Variants in RFTN1 observed in about 807,000 individuals in gnomAD.
The protein encoded by RFTN1 is raftlin, lipid raft linker 1.
RFTN1 carries 26 observed loss-of-function variants against 46.5 expected under a neutral mutation model. That is an observed-to-expected ratio of 0.56 (90% CI 0.41 to 0.78). The LOEUF (loss-of-function observed/expected upper bound fraction) is 0.78. Among genes scored for constraint, RFTN1 ranks in the 30% least tolerant of loss-of-function variants. RFTN1 has a pLI of 0.00. For synonymous variants in RFTN1, 261 were observed against 284.2 expected, an observed-to-expected ratio of 0.92 and a Z score of 0.82; for missense variants, 693 against 718.7, an observed-to-expected ratio of 0.96 and a Z score of 0.41.
chr3:16,363,314 A>G (rs1001947043), intron 6 of RFTN1, among the ~76,000 whole-genome samples: 9 of 152,240 alleles, frequency 5.9e-5, no homozygotes, highest in African/African-American at 2.2e-4. Context: ...CTCCAATGTA[A>G]AAAGGTTAAA....
rs1051478059 is a variant in RFTN1 at position 16,387,844 on chromosome 3, A to C, written c.442-9742T>G. On this transcript the variant is annotated intron_variant, in intron 4 of 9. Coordinates refer to ENST00000334133, the MANE Select transcript of RFTN1 (RefSeq NM_015150.2). The surrounding 1 kb of genome is among the most constrained non-coding windows in gnomAD (Gnocchi z 5.2). ...AAATCCCACAGGCTTTTTAGCCCTC[A>C]CCACCCCATCCTCTCTGGTAGCTCA... 6.6e-6 allele frequency among the ~76,000 whole-genome samples: 1 copy of C among 151,504 alleles called. No individual in the cohort carries two copies. Among genetic ancestry groups the C allele is most frequent in the African/African-American group, 2.4e-5 (1 of 41,118 alleles).
chr3:16,436,332 T>C (rs1484463289), intron 2 of RFTN1, among the ~76,000 whole-genome samples: 1 of 151,376 alleles, frequency 6.6e-6, no homozygotes, highest in African/African-American at 2.4e-5. Context: ...ACTTTGCATA[T>C]AGTGGGTTTT....
At position 16,323,391 on chromosome 3, in the gene RFTN1, C is replaced by T; in HGVS notation, c.1317G>A (p.Lys439=). The stretch of plus-strand genomic sequence containing the variant: ...AGTCTCTTACCTTCGATTCCTTCTT[C>T]TTGATTTTCTGAGGTAGACAAGGTC... ...LQRPCLPQKI[K]KKESKFQWRF... is the part of the protein sequence containing the mutation. The change falls in exon 9 of 10, where the codon AAG becomes AAA. Residue 439 remains lysine (K), a synonymous_variant. Transcript: ENST00000334133. 6.2e-7 allele frequency: 1 copy of T among 1,609,914 alleles called. No homozygotes were observed. The highest frequency in any genetic ancestry group is 1.1e-5 in the South Asian group (1 of 91,046).
chr3:16,493,668 G>A, intron 2 of RFTN1, 57 bp downstream of exon 2: 1 of 1,256,502 alleles, frequency 8.0e-7, no homozygotes, highest in Non-Finnish European at 1.0e-6. Flanking sequence ...CCCATCCCCT[G>A]CAGGCCCCTG....
At chr3:16,494,534 C>G (rs560805744) in intron 1 of RFTN1, among the ~76,000 whole-genome samples, 2 of 152,298 alleles carry the variant, frequency 1.3e-5, no homozygotes, top group African/African-American at 2.4e-5. Flanking sequence ...TGAAAACTGA[C>G]TGAACACTAA....
rs9817085 is a variant in RFTN1, at chr3:16,446,398, A to C, written c.146-12361T>G. 9.3e-3 allele frequency among the ~76,000 whole-genome samples: 1,420 copies of C among 152,104 alleles called. 19 individuals carry two copies. Among genetic ancestry groups the C allele is most frequent in the African/African-American group, 0.032 (1,332 of 41,476 alleles). On this transcript the variant is annotated intron_variant, in intron 2 of 9. Transcript: ENST00000334133. This position sits in a 1 kb window ranked among gnomAD's most constrained non-coding sequence, Gnocchi z 4.5. ...ACATTGTCGTGCAACCATCACCACC[A>C]TCTATCTCCAGGAAATCTTCATCGG...
In RFTN1 at chr3:16,341,063, TC is replaced by T. The variant is rs1243908675; in HGVS notation, c.1147-14188del. Among the ~76,000 whole-genome samples the T allele has an allele frequency of 6.6e-6, 1 of 152,142 alleles. No homozygotes were observed. Among genetic ancestry groups the T allele is most frequent in the Non-Finnish European group, 1.5e-5 (1 of 68,018 alleles). ...AAATAATAAGCATATAAAAAGATGC[TC>T]AACATCATATGTCATTAGGGAAATG... On this transcript the variant is annotated intron_variant, in intron 7 of 9. Coordinates refer to ENST00000334133, the MANE Select transcript of RFTN1 (RefSeq NM_015150.2). The surrounding 1 kb of genome is among the most constrained non-coding windows in gnomAD (Gnocchi z 4.7).
intron 8 of RFTN1, among the ~76,000 whole-genome samples, chr3:16,324,613 A>ACAC (rs1553718054): frequency 1.1e-5 from 1 of 90,800 alleles, no homozygotes; most frequent in East Asian, 3.4e-4. Flanking sequence ...AATGTCCCTG[A>ACAC]CCCCCCCCCT....
At chr3:16,455,107 C>T (rs2075883396) in intron 2 of RFTN1, among the ~76,000 whole-genome samples, 1 of 152,184 alleles carries the variant, frequency 6.6e-6, no homozygotes, top group Admixed American at 6.5e-5. Context: ...TTTGTCTCCA[C>T]GCCATAAACA....
intron 2 of RFTN1, among the ~76,000 whole-genome samples, chr3:16,464,595 T>C (rs1363967868): frequency 6.6e-6 from 1 of 152,090 alleles, no homozygotes; most frequent in African/African-American, 2.4e-5. Flanking sequence ...GAAGGCAGTA[T>C]TTTTTACTCT....
intron 1 of RFTN1, among the ~76,000 whole-genome samples, chr3:16,502,857 C>T (rs1172134931): frequency 6.6e-6 from 1 of 152,172 alleles, no homozygotes; most frequent in East Asian, 1.9e-4. Flanking sequence ...TGCAAGATAA[C>T]ATGTTTGTTG....
intron 2 of RFTN1, among the ~76,000 whole-genome samples, chr3:16,444,074 T>G (rs556671752): frequency 1.3e-5 from 2 of 152,226 alleles, no homozygotes; most frequent in Admixed American, 1.3e-4. Context: ...GTACTTTTGT[T>G]AGAGAAGACA....
intron 2 of RFTN1, among the ~76,000 whole-genome samples, chr3:16,441,735 A>T (rs1166353863): frequency 6.6e-6 from 1 of 152,262 alleles, no homozygotes; most frequent in Non-Finnish European, 1.5e-5. Context: ...ATCTGTCAAT[A>T]CGAAGGAGTG....
chr3:16,456,965 T>G (rs116076708), intron 2 of RFTN1, among the ~76,000 whole-genome samples: 1,745 of 152,322 alleles, frequency 0.011, 44 homozygotes, highest in African/African-American at 0.04. Context: ...ACTTCTGTCA[T>G]AAAAACAAAC....
intron 6 of RFTN1, among the ~76,000 whole-genome samples, chr3:16,367,201 T>A (rs915652559): frequency 1.3e-5 from 2 of 152,266 alleles, no homozygotes; most frequent in African/African-American, 4.8e-5. Context: ...AAAGATGTGC[T>A]TCTAGCTCTG....
intron 2 of RFTN1, among the ~76,000 whole-genome samples, chr3:16,472,300 A>G (rs1334861793): frequency 2.0e-5 from 3 of 152,162 alleles, no homozygotes; most frequent in African/African-American, 7.2e-5. Flanking sequence ...TTCTCTGCAT[A>G]GCCCTCTTGC....
intron 2 of RFTN1, among the ~76,000 whole-genome samples, chr3:16,470,309 G>T (rs1197247644): frequency 6.6e-6 from 1 of 152,074 alleles, no homozygotes; most frequent in East Asian, 1.9e-4. Flanking sequence ...CACTGGAGAG[G>T]AAGCCAAGGC....
Position 16,410,104 on chromosome 3 carries a change from C to G in RFTN1, c.333-621G>C, listed in dbSNP as rs1428702127. ...TGAAAAATGGTTTATGGAAACTACT[C>G]AAGTAATATATACATATCCACATCA... On this transcript the variant is annotated intron_variant, in intron 3 of 9. Coordinates refer to ENST00000334133, the MANE Select transcript of RFTN1 (RefSeq NM_015150.2). This position sits in a 1 kb window ranked among gnomAD's most constrained non-coding sequence, Gnocchi z 4.6. Among the ~76,000 whole-genome samples the G allele has an allele frequency of 2.0e-5, 3 of 151,622 alleles. No homozygotes were observed. Among genetic ancestry groups the G allele is most frequent in the African/African-American group, 7.3e-5 (3 of 41,212 alleles).
chr3:16,511,070 C>A (rs916666151), intron 1 of RFTN1, among the ~76,000 whole-genome samples: 3 of 152,100 alleles, frequency 2.0e-5, no homozygotes, highest in Non-Finnish European at 2.9e-5. Context: ...CAAGAACAAG[C>A]CAAACTCACC....
Sources: gnomAD v4.1 joint callset for allele counts (sites outside exome capture counted in the v4.1 genomes callset) on GRCh38, gnomAD v4.1.1 for gene constraint, Gnocchi (gnomAD v3.1) non-coding constraint, MANE v1.5 for transcripts, NCBI Gene and HGNC (gene_info 2026-07-23, HGNC 2026-07-21) for gene names.